RANBP17: variants seen among roughly 807,000 people sequenced by gnomAD.
The protein encoded by RANBP17 is RAN binding protein 17.
A neutral mutation model predicts 141.2 loss-of-function variants in RANBP17; 158 were observed. The ratio of observed to expected loss-of-function variants is 1.12; its 90% confidence interval spans 0.98 to 1.28. RANBP17 has a LOEUF of 1.28. RANBP17 is among the 50% of genes most tolerant of loss of function. RANBP17 has a pLI of 0.00. For missense variants in RANBP17, 1,438 were observed against 1,290.7 expected, an observed-to-expected ratio of 1.11 and a Z score of -1.75; for synonymous variants, 430 against 450.0, an observed-to-expected ratio of 0.96 and a Z score of 0.56.
intron 14 of RANBP17, among the ~76,000 whole-genome samples, chr5:171,020,202 C>T (rs1209948210): frequency 1.3e-5 from 2 of 152,054 alleles, no homozygotes; most frequent in Non-Finnish European, 2.9e-5. Flanking sequence ...TGATTGATTT[C>T]AGAGTAAGTG....
Position 171,148,396 on chromosome 5 carries a change from AT to A in RANBP17, c.1711-21731del, listed in dbSNP as rs1361735973. Among the ~76,000 whole-genome samples the A allele has an allele frequency of 8.5e-5, 13 of 152,090 alleles. No homozygotes were observed. In the East Asian group the frequency reaches 2.3e-3, roughly 27 times the overall value. ...CCAAGAATTATCAATAAAAAAATAA[AT>A]TTAAAAAAAAAATTTTTAATCTCAG... On this transcript the variant is annotated intron_variant, in intron 14 of 27. Transcript: ENST00000523189.
At chr5:171,222,530 C>A (rs1189228078) in intron 22 of RANBP17, among the ~76,000 whole-genome samples, 2 of 152,176 alleles carry the variant, frequency 1.3e-5, no homozygotes, top group Non-Finnish European at 2.9e-5. Flanking sequence ...CAATGCACTT[C>A]TCCTTGAGGA....
chr5:171,015,068 A>C (rs762953644), intron 14 of RANBP17, among the ~76,000 whole-genome samples: 2 of 151,398 alleles, frequency 1.3e-5, no homozygotes, highest in Non-Finnish European at 3.0e-5. Context: ...TTGCCTTTTT[A>C]CTCTGTCTGC....
chr5:171,062,214 G>GGTGA (rs1561608171), intron 14 of RANBP17, among the ~76,000 whole-genome samples: 1 of 152,028 alleles, frequency 6.6e-6, no homozygotes. Context: ...GATGTTAGCT[G>GGTGA]GTGATTTTGC....
chr5:171,058,970 G>A (rs1015106585), intron 14 of RANBP17, among the ~76,000 whole-genome samples: 3 of 151,126 alleles, frequency 2.0e-5, no homozygotes, highest in Non-Finnish European at 2.9e-5. Context: ...CTTTTGAGAA[G>A]TGTCTGTTCA....
Position 170,894,022 on chromosome 5 carries a change from G to T in RANBP17, c.423+1469G>T, listed in dbSNP as rs182291340. 4.4e-3 allele frequency among the ~76,000 whole-genome samples: 667 copies of T among 152,222 alleles called. 2 individuals are homozygous for T. The highest frequency in any genetic ancestry group is 7.1e-3 in the Non-Finnish European group (483 of 68,012). ...AGAATATGAAATGCTAGGTTATGCT[G>T]CTTCTGTCTTATCTATGTTGTTAAA... is the stretch of plus-strand genomic sequence containing the variant. On this transcript the variant is annotated intron_variant, in intron 4 of 27. Coordinates refer to ENST00000523189, the MANE Select transcript of RANBP17 (RefSeq NM_022897.5).
At chr5:171,161,284 G>A (rs1759335167) in intron 14 of RANBP17, 1 of 176,536 alleles carries the variant, frequency 5.7e-6, no homozygotes, top group Non-Finnish European at 1.2e-5. Context: ...AAAGTCCCAA[G>A]AATATCATAA....
intron 14 of RANBP17, among the ~76,000 whole-genome samples, chr5:171,017,018 C>A (rs1291232610): frequency 6.7e-6 from 1 of 149,836 alleles, no homozygotes; most frequent in African/African-American, 2.5e-5. Flanking sequence ...GTTTTCTGTT[C>A]CTGTGTTAGT....
chr5:171,104,806 A>G (rs146270868), intron 14 of RANBP17, among the ~76,000 whole-genome samples: 113 of 152,332 alleles, frequency 7.4e-4, no homozygotes, highest in Non-Finnish European at 1.4e-3. Flanking sequence ...AATAACTCGC[A>G]TATAGAAGAT....
chr5:170,950,981 C>T (rs922460612), intron 12 of RANBP17, among the ~76,000 whole-genome samples: 1 of 152,160 alleles, frequency 6.6e-6, no homozygotes, highest in African/African-American at 2.4e-5. Context: ...AAGACAAATA[C>T]CATGTGTTCT....
intron 3 of RANBP17, among the ~76,000 whole-genome samples, chr5:170,890,429 T>C (rs1769501161): frequency 6.6e-6 from 1 of 152,110 alleles, no homozygotes. Context: ...TTTTTTATTG[T>C]ATAACTATTT....
chr5:171,129,279 G>A (rs1756725754), intron 14 of RANBP17, among the ~76,000 whole-genome samples: 1 of 150,352 alleles, frequency 6.7e-6, no homozygotes, highest in South Asian at 2.1e-4. Context: ...AGATCAGTAG[G>A]AAACAATTTA....
At chr5:171,120,153 T>C (rs965335012) in intron 14 of RANBP17, among the ~76,000 whole-genome samples, 3 of 152,140 alleles carry the variant, frequency 2.0e-5, no homozygotes, top group Admixed American at 1.3e-4. Context: ...CCTTACTTTC[T>C]TCCAAACAAA....
At chr5:171,001,788 G>A (rs563021248) in intron 14 of RANBP17, among the ~76,000 whole-genome samples, 5 of 152,228 alleles carry the variant, frequency 3.3e-5, no homozygotes, top group East Asian at 1.9e-4. Context: ...TGGCCAGTCC[G>A]TTATTGGACT....
chr5:171,164,723 A>G (rs1035779930), intron 14 of RANBP17, among the ~76,000 whole-genome samples: 13 of 152,240 alleles, frequency 8.5e-5, no homozygotes, highest in African/African-American at 3.1e-4. Flanking sequence ...CAGGAGCAAG[A>G]GAGATGGGTA....
intron 14 of RANBP17, among the ~76,000 whole-genome samples, chr5:171,008,581 G>A (rs556548907): frequency 6.6e-6 from 1 of 152,336 alleles, no homozygotes; most frequent in Admixed American, 6.5e-5. Context: ...GGAGTTAGGA[G>A]CAATGTTTTG....
At chr5:170,975,308 C>G (rs780081545) in intron 14 of RANBP17, among the ~76,000 whole-genome samples, 1 of 152,114 alleles carries the variant, frequency 6.6e-6, no homozygotes, top group African/African-American at 2.4e-5. Context: ...GTGGGTAGAT[C>G]ACCTGAGGTC....
chr5:171,282,469 T>A (rs1004297728), intron 25 of RANBP17, among the ~76,000 whole-genome samples: 80 of 148,224 alleles, frequency 5.4e-4, no homozygotes, highest in African/African-American at 1.9e-3. Flanking sequence ...GTTGTTGTTG[T>A]TGTTGTTGTT....
At chr5:171,239,293 A>C (rs1241740143) in intron 22 of RANBP17, among the ~76,000 whole-genome samples, 1 of 152,200 alleles carries the variant, frequency 6.6e-6, no homozygotes, top group African/African-American at 2.4e-5. Flanking sequence ...CTCCACATAC[A>C]TGGAACAGAT....
Sources: allele counts gnomAD v4.1 joint callset (sites outside exome capture counted in the v4.1 genomes callset), GRCh38; gene constraint gnomAD v4.1.1; transcripts MANE v1.5; gene names NCBI Gene and HGNC (gene_info 2026-07-23, HGNC 2026-07-21).